VSTM2L: variants seen among roughly 807,000 people sequenced by gnomAD.
VSTM2L encodes V-set and transmembrane domain containing 2 like, also known as V-set and transmembrane domain-containing protein 2-like protein.
In VSTM2L, 9 loss-of-function variants were observed where a neutral mutation model predicts 19.9. The ratio of observed to expected loss-of-function variants is 0.45; its 90% CI spans 0.27 to 0.79. VSTM2L has a LOEUF of 0.79. Ranked by LOEUF, VSTM2L falls within the 30% of genes least tolerant of loss-of-function variation. The pLI is 0.15. For synonymous variants in VSTM2L, 127 were observed against 133.8 expected (o/e 0.95, Z 0.35); for missense variants, 286 against 295.5 (o/e 0.97, Z 0.24).
At chr20:37,929,138 G>T (rs559308535) in intron 1 of VSTM2L, among the ~76,000 whole-genome samples, 39 of 152,158 alleles carry the variant, frequency 2.6e-4, no homozygotes, top group African/African-American at 9.2e-4. Flanking sequence ...TAAGGAAGCG[G>T]ACTTTGAGCA....
chr20:37,944,360 C>G lies in VSTM2L; in HGVS notation c.*107C>G, dbSNP rs972342908. On this transcript the variant is annotated 3_prime_UTR_variant, in exon 4 of 4. Coordinates refer to ENST00000373461, the MANE Select transcript of VSTM2L (RefSeq NM_080607.3). ...CCTGCGTCCAGCCGCGCCCCATCCC[C>G]GAGGCCGCCTGTGGCCACCATGTCG... 7.8e-7 allele frequency: 1 copy of G among 1,289,382 alleles called. No homozygotes were observed. The highest frequency in any genetic ancestry group is 1.0e-6 in the Non-Finnish European group (1 of 994,480). 79.9% of individuals were successfully genotyped at this position (1,289,382 alleles called of 1,614,324 possible). A position where few individuals can be genotyped will look rare whatever the true frequency, so the allele number is the denominator to read the frequency against.
intron 3 of VSTM2L, among the ~76,000 whole-genome samples, chr20:37,939,020 C>T (rs961017181): frequency 6.6e-6 from 1 of 152,180 alleles, no homozygotes; most frequent in African/African-American, 2.4e-5. Context: ...GCCTCTGTCA[C>T]CAGCTGGGTG....
Position 37,944,241 on chromosome 20 carries a change from C to T in VSTM2L, c.603C>T (p.Ala201=). The change falls in exon 4 of 4, where the codon GCC becomes GCT. Residue 201 remains alanine, a synonymous_variant. Coordinates refer to ENST00000373461, the MANE Select transcript of VSTM2L (RefSeq NM_080607.3). ...ELRKRSVDQE[A]CSL is the part of the protein sequence containing the mutation. ...GGAAGCGCTCGGTGGACCAGGAGGC[C>T]TGCAGCCTCTAGACTGATGCCCCTG... 1 of 1,510,962 alleles carries T rather than the reference C, an allele frequency of 6.6e-7. No individual in the cohort carries two copies. Among genetic ancestry groups the T allele is most frequent in the Non-Finnish European group, 8.9e-7 (1 of 1,123,794 alleles). 93.6% of individuals were successfully genotyped at this position (1,510,962 alleles called of 1,614,324 possible).
chr20:37,941,473 C>T (rs533306349), intron 3 of VSTM2L, among the ~76,000 whole-genome samples: 3 of 152,182 alleles, frequency 2.0e-5, no homozygotes, highest in East Asian at 1.9e-4. Context: ...ATTGGTAAGA[C>T]GATTAGAAGT....
At chr20:37,907,798 C>G (rs78041454) in intron 1 of VSTM2L, among the ~76,000 whole-genome samples, 1 of 152,204 alleles carries the variant, frequency 6.6e-6, no homozygotes, top group Admixed American at 6.5e-5. Context: ...CTGAGATTCT[C>G]TCTGTTGCCA....
At chr20:37,940,052 G>C (rs77273552) in intron 3 of VSTM2L, among the ~76,000 whole-genome samples, 1 of 151,500 alleles carries the variant, frequency 6.6e-6, no homozygotes, top group East Asian at 1.9e-4. Flanking sequence ...GCCTCGCTTG[G>C]TGCTCCCTCC....
rs1467145922 is a variant in VSTM2L, at chr20:37,944,124, G to A, written c.486G>A (p.Arg162=). The change falls in exon 4 of 4, where the codon CGG becomes CGA. Residue 162 remains arginine, a synonymous_variant. Transcript: ENST00000373461. ...ACCACAAGGTCAAGGCCTACCTGCG[G>A]GTGCAGCCAGGGGAGAACTCCGTCC... The part of the protein sequence containing the change: ...ARHHKVKAYL[R]VQPGENSVLH... The A allele has an allele frequency of 6.2e-7, 1 of 1,611,252 alleles. No individual in the cohort carries two copies. Among genetic ancestry groups the A allele is most frequent in the African/African-American group, 1.3e-5 (1 of 74,988 alleles).
At chr20:37,940,865 A>G (rs2072968206) in intron 3 of VSTM2L, among the ~76,000 whole-genome samples, 1 of 152,186 alleles carries the variant, frequency 6.6e-6, no homozygotes, top group South Asian at 2.1e-4. Context: ...AAACCATCAC[A>G]TCTTGTGAGA....
chr20:37,933,580 C>CA lies in VSTM2L; in HGVS notation c.337dup (p.Ile113AsnfsTer95), dbSNP rs2072923388. 6.2e-7 allele frequency: 1 copy of CA among 1,613,536 alleles called. No homozygotes were observed. The highest frequency in any genetic ancestry group is 8.5e-7 in the Non-Finnish European group (1 of 1,179,968). On this transcript the variant is annotated frameshift_variant, in exon 3 of 4. Coordinates refer to ENST00000373461, the MANE Select transcript of VSTM2L (RefSeq NM_080607.3). LOFTEE classifies it high-confidence loss of function. ...AGGAAGACGCAGGGAAGGAGGCAACCAAAATAAGTGTGAGTTTTGATAATG... is the reference window on the plus strand; with the variant it reads ...AGGAAGACGCAGGGAAGGAGGCAACCAAAAATAAGTGTGAGTTTTGATAATG...
intron 3 of VSTM2L, among the ~76,000 whole-genome samples, chr20:37,939,913 G>A (rs7260912): frequency 0.016 from 2,434 of 152,214 alleles, 58 homozygotes; most frequent in African/African-American, 0.054. Context: ...GGAAGAGCTC[G>A]TGTTCCTGAA....
intron 3 of VSTM2L, among the ~76,000 whole-genome samples, chr20:37,933,925 G>A (rs544032181): frequency 2.0e-5 from 3 of 152,294 alleles, no homozygotes; most frequent in African/African-American, 7.2e-5. Context: ...GCTTTTTTTG[G>A]CCTATCATGA....
At chr20:37,904,195 C>G (rs1051481096) in intron 1 of VSTM2L, among the ~76,000 whole-genome samples, 2 of 152,208 alleles carry the variant, frequency 1.3e-5, no homozygotes, top group African/African-American at 4.8e-5. Flanking sequence ...GGAAGCCCCT[C>G]AGAGCCACCG....
intron 1 of VSTM2L, among the ~76,000 whole-genome samples, chr20:37,930,613 A>T (rs2072902836): frequency 6.6e-6 from 1 of 151,966 alleles, no homozygotes; most frequent in Admixed American, 6.6e-5. Flanking sequence ...TATGGTGGGG[A>T]GGGGCGCTGG....
chr20:37,905,388 C>A (rs1053181461), intron 1 of VSTM2L, among the ~76,000 whole-genome samples: 6 of 152,104 alleles, frequency 3.9e-5, no homozygotes, highest in Admixed American at 1.3e-4. Context: ...TGGCTCCCCC[C>A]CATAGAAAAG....
chr20:37,932,733 C>A (rs1238839485), intron 2 of VSTM2L, among the ~76,000 whole-genome samples: 1 of 152,138 alleles, frequency 6.6e-6, no homozygotes, highest in African/African-American at 2.4e-5. Flanking sequence ...ACTACTTGAC[C>A]TTTGTCTCAA....
chr20:37,926,060 CTTTT>C (rs1036323657), intron 1 of VSTM2L, among the ~76,000 whole-genome samples: 7 of 152,174 alleles, frequency 4.6e-5, no homozygotes, highest in Admixed American at 1.3e-4. Context: ...AGATTGAGCC[CTTTT>C]TTTGTTTGTT....
chr20:37,916,340 TC>T (rs2072818535), intron 1 of VSTM2L, among the ~76,000 whole-genome samples: 1 of 151,904 alleles, frequency 6.6e-6, no homozygotes, highest in African/African-American at 2.4e-5. Context: ...CCCTGAACAC[TC>T]CCGCGCTTGC....
At position 37,921,144 on chromosome 20, in the gene VSTM2L, C is replaced by T. The variant is rs140954495; in HGVS notation, c.122-10491C>T. On this transcript the variant is annotated intron_variant, in intron 1 of 3. Transcript: ENST00000373461. ...ACTCCAGGGCAGGGAGAGGCAGCCT[C>T]GGAGACCTCTGGGGGCACCAAGCAG... Among the ~76,000 whole-genome samples the T allele has an allele frequency of 4.1e-3, 623 of 152,320 alleles. 10 individuals carry two copies. Among genetic ancestry groups the T allele is most frequent in the African/African-American group, 0.014 (579 of 41,574 alleles).
At chr20:37,914,311 T>TG in intron 1 of VSTM2L, among the ~76,000 whole-genome samples, 2 of 148,752 alleles carry the variant, frequency 1.3e-5, no homozygotes, top group African/African-American at 2.5e-5. Context: ...TGTGTGCATC[T>TG]GTGTGTATGT....
Sources: allele counts gnomAD v4.1 joint callset (sites outside exome capture counted in the v4.1 genomes callset), GRCh38; gene constraint gnomAD v4.1.1; transcripts MANE v1.5; gene names NCBI Gene and HGNC (gene_info 2026-07-23, HGNC 2026-07-21).